Variants in HCN1 observed in about 807,000 individuals in gnomAD.
HCN1 encodes the protein hyperpolarization activated cyclic nucleotide gated potassium channel 1, also known as potassium/sodium hyperpolarization-activated cyclic nucleotide-gated channel 1.
HCN1 carries 13 observed loss-of-function variants against 78.9 expected under a neutral mutation model. The observed-to-expected ratio is 0.16, with a 90% confidence interval of 0.11 to 0.26. The LOEUF is 0.26. Among genes scored for constraint, HCN1 ranks in the 10% least tolerant of loss-of-function variants. The probability of loss-of-function intolerance (pLI) is 1.00; values close to 1 mark genes in which losing one functional copy is unlikely to be tolerated. For synonymous variants in HCN1, 552 were observed against 455.5 expected (o/e 1.21, Z -2.70); for missense variants, 810 against 1,154.3 (o/e 0.70, Z 4.32).
chr5:45,582,859 A>G (rs913676206), intron 2 of HCN1, among the ~76,000 whole-genome samples: 1 of 152,184 alleles, frequency 6.6e-6, no homozygotes, highest in African/African-American at 2.4e-5. Flanking sequence ...TTTGCATCCC[A>G]GGGATGAAGC....
chr5:45,639,543 T>C (rs1425586391), intron 2 of HCN1, among the ~76,000 whole-genome samples: 1 of 152,178 alleles, frequency 6.6e-6, no homozygotes, highest in African/African-American at 2.4e-5. Context: ...TAATTTCTGG[T>C]ATAGAATCCA....
intron 2 of HCN1, among the ~76,000 whole-genome samples, chr5:45,548,730 T>G (rs1743286873): frequency 2.6e-5 from 4 of 152,144 alleles, no homozygotes. Context: ...ATGCCATGAT[T>G]GTGTACATAG....
intron 2 of HCN1, among the ~76,000 whole-genome samples, chr5:45,519,116 A>G (rs1412492390): frequency 6.6e-6 from 1 of 152,038 alleles, no homozygotes; most frequent in Non-Finnish European, 1.5e-5. Flanking sequence ...TATTAATTAT[A>G]GGAATCACAA....
chr5:45,294,439 T>C (rs1318320500), intron 6 of HCN1, among the ~76,000 whole-genome samples: 1 of 152,004 alleles, frequency 6.6e-6, no homozygotes, highest in Non-Finnish European at 1.5e-5. Context: ...TGTTTCACAT[T>C]ATCATTCCAT....
intron 1 of HCN1, among the ~76,000 whole-genome samples, chr5:45,676,087 G>A (rs1338159753): frequency 6.6e-6 from 1 of 151,688 alleles, no homozygotes; most frequent in Non-Finnish European, 1.5e-5. Context: ...GCATGTATGT[G>A]TATGTATATT....
At chr5:45,635,337 T>C (rs974094095) in intron 2 of HCN1, among the ~76,000 whole-genome samples, 1 of 151,876 alleles carries the variant, frequency 6.6e-6, no homozygotes, top group Non-Finnish European at 1.5e-5. Context: ...TCAACTCACA[T>C]CTCCACAAAA....
intron 4 of HCN1, among the ~76,000 whole-genome samples, chr5:45,387,108 A>G (rs1038791545): frequency 6.6e-6 from 1 of 151,896 alleles, no homozygotes; most frequent in African/African-American, 2.4e-5. Context: ...TAGTCAGAAA[A>G]AAAGTTGAAA....
At chr5:45,274,430 T>A (rs987647905) in intron 6 of HCN1, among the ~76,000 whole-genome samples, 2 of 152,188 alleles carry the variant, frequency 1.3e-5, no homozygotes, top group Admixed American at 1.3e-4. Flanking sequence ...ACAAGCTATG[T>A]GTTAGCAAAG....
chr5:45,446,579 T>A (rs1740801905), intron 3 of HCN1, among the ~76,000 whole-genome samples: 1 of 151,946 alleles, frequency 6.6e-6, no homozygotes, highest in Non-Finnish European at 1.5e-5. Context: ...CTAAGACATA[T>A]AATTGTCAGA....
At chr5:45,401,576 T>G (rs1739804864) in intron 3 of HCN1, among the ~76,000 whole-genome samples, 1 of 152,006 alleles carries the variant, frequency 6.6e-6, no homozygotes, top group African/African-American at 2.4e-5. Context: ...CTAAATAAGA[T>G]TATTCCTATG....
chr5:45,396,004 G>A (rs527681160), intron 4 of HCN1, among the ~76,000 whole-genome samples: 3 of 152,036 alleles, frequency 2.0e-5, no homozygotes, highest in South Asian at 2.1e-4. Context: ...AGAGTGTGGC[G>A]ACTTATCTAG....
intron 4 of HCN1, among the ~76,000 whole-genome samples, chr5:45,357,596 C>T (rs779569877): frequency 2.6e-5 from 4 of 151,710 alleles, no homozygotes; most frequent in East Asian, 1.9e-4. Context: ...ATTTTTAGGC[C>T]GCTTTTATTC....
At chr5:45,312,915 G>T (rs968553763) in intron 5 of HCN1, among the ~76,000 whole-genome samples, 8 of 152,198 alleles carry the variant, frequency 5.3e-5, no homozygotes, top group African/African-American at 1.9e-4. Flanking sequence ...AGGCCTGCCT[G>T]CCTCTGTAGA....
chr5:45,439,244 C>G (rs1740623554), intron 3 of HCN1, among the ~76,000 whole-genome samples: 1 of 152,088 alleles, frequency 6.6e-6, no homozygotes, highest in Non-Finnish European at 1.5e-5. Context: ...GTAAGTTTCT[C>G]TCTTTCAGAG....
chr5:45,510,391 G>C (rs754079833), intron 2 of HCN1, among the ~76,000 whole-genome samples: 1 of 151,936 alleles, frequency 6.6e-6, no homozygotes, highest in Non-Finnish European at 1.5e-5. Context: ...CTAGAGTATC[G>C]ACTCAATAGG....
At chr5:45,420,859 A>G (rs951245735) in intron 3 of HCN1, among the ~76,000 whole-genome samples, 20 of 152,168 alleles carry the variant, frequency 1.3e-4, no homozygotes, top group Non-Finnish European at 4.4e-5. Flanking sequence ...GCTGAAAACC[A>G]GGTAAGGCTC....
At chr5:45,584,293 T>A (rs1434486034) in intron 2 of HCN1, among the ~76,000 whole-genome samples, 1 of 152,146 alleles carries the variant, frequency 6.6e-6, no homozygotes, top group Non-Finnish European at 1.5e-5. Context: ...ATGGCCTTCT[T>A]TGTCTCTTTT....
At chr5:45,411,286 T>C (rs1740015831) in intron 3 of HCN1, among the ~76,000 whole-genome samples, 1 of 152,062 alleles carries the variant, frequency 6.6e-6, no homozygotes, top group Non-Finnish European at 1.5e-5. Flanking sequence ...TGGAAATCTG[T>C]TAGCAAACAA....
At chr5:45,659,323 C>G (rs1745866560) in intron 1 of HCN1, among the ~76,000 whole-genome samples, 1 of 120,468 alleles carries the variant, frequency 8.3e-6, no homozygotes, top group South Asian at 2.8e-4. Context: ...TCATCAAAGA[C>G]CAAAAGTAGA....
Sources: gnomAD v4.1 joint callset for allele counts (sites outside exome capture counted in the v4.1 genomes callset) on GRCh38, gnomAD v4.1.1 for gene constraint, MANE v1.5 for transcripts, NCBI Gene and HGNC (gene_info 2026-07-23, HGNC 2026-07-21) for gene names.